MYO1C: variants seen among roughly 807,000 people sequenced by gnomAD.
The protein encoded by MYO1C is unconventional myosin-Ic.
Under a neutral mutation model 150.8 loss-of-function variants are expected in MYO1C, and 104 were observed. The observed-to-expected ratio is 0.69, with a 90% CI of 0.59 to 0.81. The LOEUF (loss-of-function observed/expected upper bound fraction) is 0.81, where lower values mean the gene tolerates loss of function less well. Among genes scored for constraint, MYO1C ranks in the 30% least tolerant of loss-of-function variants. The probability of loss-of-function intolerance (pLI) is 0.00; values close to 1 mark genes in which losing one functional copy is unlikely to be tolerated. For synonymous variants in MYO1C, 663 were observed against 579.9 expected (o/e 1.14, Z -2.06); for missense variants, 1,504 against 1,435.0 (o/e 1.05, Z -0.78).
At position 1,478,587 on chromosome 17, in the gene MYO1C, C is replaced by T. The variant is rs2074448711; in HGVS notation, c.1212+29G>A. 6.2e-7 allele frequency: 1 copy of T among 1,614,016 alleles called. No homozygotes were observed. On this transcript the variant is annotated intron_variant, in intron 10 of 31. Transcript: ENST00000648651. The surrounding 1 kb of genome is among the most constrained non-coding windows in gnomAD (Gnocchi z 6.3). ...CCTCGCCGACGGCCCTCCCTTCTGCCTTGGGAGCAGTGTGGACCGAGCCCT... is the reference window on the plus strand; with the variant it reads ...CCTCGCCGACGGCCCTCCCTTCTGCTTTGGGAGCAGTGTGGACCGAGCCCT...
At position 1,468,416 on chromosome 17, in the gene MYO1C, G is replaced by T; in HGVS notation, c.2691C>A (p.Ile897=). Residue 897 remains isoleucine (I), a synonymous_variant, in exon 26 of 32, where the codon ATC becomes ATA. Coordinates refer to ENST00000648651, the MANE Select transcript of MYO1C (RefSeq NM_001080779.2). ...TCAGGGGCTCACCAAGCCGAGTGCT[G>T]ATGAAGAGCCTGGGTACACTCTGAG... ...NYPQSVPRLF[I]STRLGTDEIS... is the part of the protein sequence containing the mutation. The T allele has an allele frequency of 1.2e-6, 2 of 1,614,064 alleles. No individual in the cohort carries two copies. Among genetic ancestry groups the T allele is most frequent in the Non-Finnish European group, 1.7e-6 (2 of 1,179,952 alleles).
In MYO1C at chr17:1,469,528, T is replaced by A; in HGVS notation, c.2610+3A>T. On this transcript the variant is annotated splice_donor_region_variant and intron_variant, in intron 25 of 31. Transcript: ENST00000648651. The stretch of plus-strand genomic sequence containing the variant: ...CATCCTCACCCAGCCCCGCTCTCCG[T>A]ACCTGCTGCTTCCACTCAGGGCTGA... 1 of 1,608,742 alleles carries A rather than the reference T, an allele frequency of 6.2e-7. No homozygotes were observed. The highest frequency in any genetic ancestry group is 1.7e-4 in the Middle Eastern group (1 of 6,056).
chr17:1,475,105 C>T, intron 14 of MYO1C, 73 bp from the exon 15 acceptor site: 2 of 1,471,330 alleles, frequency 1.4e-6, no homozygotes, highest in South Asian at 1.2e-5. Flanking sequence ...GAAAGGGCCT[C>T]AGGAGCAGGA....
chr17:1,491,195 C>G (rs1374777364), intron 1 of MYO1C: 1 of 152,266 alleles, frequency 6.6e-6, no homozygotes, highest in Non-Finnish European at 1.5e-5. Flanking sequence ...CGTGGCCATC[C>G]TCCTTCTCCG....
At chr17:1,472,356 C>T in intron 17 of MYO1C, 128 bp from the exon 18 acceptor site, 2 of 766,326 alleles carry the variant, frequency 2.6e-6, no homozygotes, top group Non-Finnish European at 4.3e-6. Flanking sequence ...GTCCTTACTC[C>T]TCCCACCACA....
chr17:1,476,101 A>G (rs1356946816), intron 14 of MYO1C, among the ~76,000 whole-genome samples: 1 of 152,180 alleles, frequency 6.6e-6, no homozygotes, highest in African/African-American at 2.4e-5. Context: ...ATAATCAGGA[A>G]CAAGTTTTTA....
intron 21 of MYO1C, 21 bp downstream of exon 21, chr17:1,471,046 CAGGA>C: frequency 6.2e-7 from 1 of 1,611,308 alleles, no homozygotes; most frequent in Non-Finnish European, 8.5e-7. Context: ...CCCCGTGCAG[CAGGA>C]AGGGTAGGCC....
intron 23 of MYO1C, 22 bp from the exon 24 acceptor site, chr17:1,470,356 G>T (rs1039538960): frequency 1.3e-6 from 2 of 1,534,880 alleles, no homozygotes; most frequent in Non-Finnish European, 1.8e-6. Context: ...GGCCAGACAG[G>T]GTTGGGGGTG....
Position 1,490,035 on chromosome 17 carries a change from CA to C in MYO1C, c.75+2377del, listed in dbSNP as rs368349826. ...AGACTGAGTGACAGAGACACTGTCT[CA>C]AAAAAAAAAAAAAAAAAAGAGGGCC... is the stretch of plus-strand genomic sequence containing the variant. On this transcript the variant is annotated intron_variant, in intron 1 of 31. Coordinates refer to ENST00000648651, the MANE Select transcript of MYO1C (RefSeq NM_001080779.2). Among the ~76,000 whole-genome samples, 477 of 104,524 alleles carry C rather than the reference CA, an allele frequency of 4.6e-3. 2 individuals carry two copies. Among genetic ancestry groups the C allele is most frequent in the African/African-American group, 0.011 (299 of 27,518 alleles). 68.6% of individuals were successfully genotyped at this position (104,524 alleles called of 152,430 possible). A position where few individuals can be genotyped will look rare whatever the true frequency, so the allele number is the denominator to read the frequency against.
chr17:1,472,248 G>T lies in MYO1C; in HGVS notation c.1798-20C>A, dbSNP rs1226381219. On this transcript the variant is annotated intron_variant, in intron 17 of 31. Transcript: ENST00000648651. ...GGCGACCTGGCGAGCCAAGAGGCAT[G>T]GGAGGTTGGCCGGAGCTGGGCTAAA... 1.2e-6 allele frequency: 2 copies of T among 1,610,952 alleles called. No homozygotes were observed. The highest frequency in any genetic ancestry group is 2.2e-5 in the South Asian group (2 of 91,006).
intron 1 of MYO1C, 38 bp downstream of exon 1, chr17:1,492,375 C>T (rs1478417173): frequency 3.8e-6 from 6 of 1,567,866 alleles, no homozygotes; most frequent in Non-Finnish European, 5.2e-6. Flanking sequence ...TGGGGAGACG[C>T]TCCCACCCTC....
Position 1,471,066 on chromosome 17 carries a change from C to T in MYO1C, c.2212+5G>A, listed in dbSNP as rs1474797686. The T allele has an allele frequency of 6.2e-7, 1 of 1,613,942 alleles. No homozygotes were observed. Among genetic ancestry groups the T allele is most frequent in the Admixed American group, 1.7e-5 (1 of 60,018 alleles). ...TGCAGCAGGAAGGGTAGGCCTCTCTCTCACCCAGGCTCTGCCGCCGGACCT... is the reference window on the plus strand; with the variant it reads ...TGCAGCAGGAAGGGTAGGCCTCTCTTTCACCCAGGCTCTGCCGCCGGACCT... On this transcript the variant is annotated splice_donor_5th_base_variant and intron_variant, in intron 21 of 31. Coordinates refer to ENST00000648651, the MANE Select transcript of MYO1C (RefSeq NM_001080779.2).
chr17:1,474,946 C>A lies in MYO1C; in HGVS notation c.1661G>T (p.Ser554Ile). The change falls in exon 15 of 32, where the codon AGC becomes ATC. Residue 554 changes from serine to isoleucine, a missense_variant. Transcript: ENST00000648651. The stretch of plus-strand genomic sequence containing the variant: ...AGCCCCAGGATCCTCACCGGTCACG[C>A]TGTAGGTCACCTCCCCCGCATAGTG... ...LLHYAGEVTY[S>I]VTGFLDKNND... 1 of 1,593,468 alleles carries A rather than the reference C, an allele frequency of 6.3e-7. No individual in the cohort carries two copies. The highest frequency in any genetic ancestry group is 8.6e-7 in the Non-Finnish European group (1 of 1,169,458).
chr17:1,470,955 G>T, intron 21 of MYO1C, 116 bp downstream of exon 21: 2 of 1,190,098 alleles, frequency 1.7e-6, no homozygotes, highest in Non-Finnish European at 2.4e-6. Context: ...GGAGCTGGGC[G>T]TGGGGCTGGA....
intron 5 of MYO1C, among the ~76,000 whole-genome samples, chr17:1,481,573 T>C (rs1330803031): frequency 6.6e-6 from 1 of 152,078 alleles, no homozygotes; most frequent in African/African-American, 2.4e-5. Flanking sequence ...CAATCACAGT[T>C]CACTGCACCC....
chr17:1,474,681 T>C lies in MYO1C; in HGVS notation c.1726A>G (p.Ser576Gly). 6.2e-7 allele frequency: 1 copy of C among 1,614,008 alleles called. No homozygotes were observed. The highest frequency in any genetic ancestry group is 1.1e-5 in the South Asian group (1 of 91,076). ...LFRNLKETMC[S>G]SKNPIMSQCF... Reference sequence around the variant, plus strand: ...TGGCTCATAATGGGATTCTTTGAGCTACACATGGTCTGTGTGGGCAGAGCC... The same window carrying C: ...TGGCTCATAATGGGATTCTTTGAGCCACACATGGTCTGTGTGGGCAGAGCC... The change falls in exon 17 of 32, where the codon AGC (serine) becomes GGC (glycine). Residue 576 changes from serine to glycine, a missense_variant. Physicochemically the swap from Ser to Gly is moderately conservative, Grantham distance 56. Coordinates refer to ENST00000648651, the MANE Select transcript of MYO1C (RefSeq NM_001080779.2).
chr17:1,479,496 T>TG lies in MYO1C; in HGVS notation c.1026dup (p.Ser343GlnfsTer84). 1 of 1,522,498 alleles carries TG rather than the reference T, an allele frequency of 6.6e-7. No individual in the cohort carries two copies. Among genetic ancestry groups the TG allele is most frequent in the Non-Finnish European group, 8.9e-7 (1 of 1,120,144 alleles). 94.3% of individuals were successfully genotyped at this position (1,522,498 alleles called of 1,614,324 possible). Reference sequence around the variant, plus strand: ...TCTCGCAGCGTCGAGCCTTCCACGCTGAGGAGCTGCCAAGGGCAGGCGAGG... The same window carrying TG: ...TCTCGCAGCGTCGAGCCTTCCACGCTGGAGGAGCTGCCAAGGGCAGGCGAGG... On this transcript the variant is annotated frameshift_variant, in exon 9 of 32. Coordinates refer to ENST00000648651, the MANE Select transcript of MYO1C (RefSeq NM_001080779.2). LOFTEE classifies it high-confidence loss of function. This position sits in a 1 kb window ranked among gnomAD's most constrained non-coding sequence, Gnocchi z 4.2.
Position 1,485,364 on chromosome 17 carries a change from G to GGCGTCACTCAGGGCCCGGCCGGC in MYO1C, c.76-1062_76-1061insGCCGGCCGGGCCCTGAGTGACGC, listed in dbSNP as rs1555523267. ...ACGAAAGGCCCAGATTTCTGGCCGG[G>GGCGTCACTCAGGGCCCGGCCGGC]GGCCTGCCCCTCCCAGGCTTGTCCT... On this transcript the variant is annotated intron_variant, in intron 1 of 31. Coordinates refer to ENST00000648651, the MANE Select transcript of MYO1C (RefSeq NM_001080779.2). 16 of 1,091,434 alleles carry GGCGTCACTCAGGGCCCGGCCGGC rather than the reference G, an allele frequency of 1.5e-5. No homozygotes were observed. The South Asian group carries it at 1.8e-4, about 12-fold the overall frequency. 67.6% of individuals were successfully genotyped at this position (1,091,434 alleles called of 1,614,324 possible). A position where few individuals can be genotyped will look rare whatever the true frequency, so the allele number is the denominator to read the frequency against.
At chr17:1,477,811 C>A in intron 13 of MYO1C, 80 bp downstream of exon 13, 2 of 1,394,322 alleles carry the variant, frequency 1.4e-6, no homozygotes, top group Admixed American at 3.3e-5. Context: ...CCTCCGTGGA[C>A]CAGCCTGGAG....
Sources: allele counts gnomAD v4.1 joint callset (sites outside exome capture counted in the v4.1 genomes callset), GRCh38; gene constraint gnomAD v4.1.1; non-coding constraint Gnocchi (gnomAD v3.1); transcripts MANE v1.5; gene names NCBI Gene and HGNC (gene_info 2026-07-23, HGNC 2026-07-21).